Variants in IL1RAPL2 observed in about 807,000 individuals in gnomAD.
IL1RAPL2 encodes X-linked interleukin-1 receptor accessory protein-like 2.
IL1RAPL2 carries 3 observed loss-of-function variants against 44.1 expected under a neutral mutation model. The ratio of observed to expected loss-of-function variants is 0.07; its 90% CI spans 0.03 to 0.18. The LOEUF (loss-of-function observed/expected upper bound fraction) is 0.18. Ranked by LOEUF, IL1RAPL2 falls within the 10% of genes least tolerant of loss-of-function variation. The pLI, the probability that IL1RAPL2 is intolerant of heterozygous loss-of-function variation, is 1.00. For missense variants in IL1RAPL2, 391 were observed against 496.4 expected (o/e 0.79, Z 2.02); for synonymous variants, 181 against 178.8 (o/e 1.01, Z -0.10).
intron 6 of IL1RAPL2, among the ~76,000 whole-genome samples, chrX:105,510,778 G>A (rs1042953319): frequency 1.8e-5 from 2 of 111,547 alleles, no homozygotes; most frequent in Non-Finnish European, 3.8e-5. Flanking sequence ...GCTACCGGAA[G>A]CTGGATAAAA....
chrX:104,632,599 A>G (rs1929677059), intron 1 of IL1RAPL2, among the ~76,000 whole-genome samples: 2 of 107,112 alleles, frequency 1.9e-5, no homozygotes, highest in African/African-American at 3.4e-5. Flanking sequence ...ATTCTCTTTG[A>G]AGCAATTGTG....
intron 9 of IL1RAPL2, chrX:105,752,935 C>T (rs769328481): frequency 3.0e-6 from 1 of 330,385 alleles, no homozygotes; most frequent in South Asian, 2.6e-5. Context: ...ACGAATGAAA[C>T]CAGAAGCATT....
intron 2 of IL1RAPL2, among the ~76,000 whole-genome samples, chrX:104,833,495 A>G (rs981910562): frequency 1.4e-4 from 16 of 111,601 alleles, no homozygotes; most frequent in Non-Finnish European, 2.1e-4. Context: ...TCATTTGGTT[A>G]TTTTTTTTAA....
chrX:105,694,950 GACTA>G (rs2038065019), intron 6 of IL1RAPL2, among the ~76,000 whole-genome samples: 1 of 111,258 alleles, frequency 9.0e-6, no homozygotes, highest in Non-Finnish European at 1.9e-5. Context: ...CTGGAAATGA[GACTA>G]GTTCCTCTTT....
intron 2 of IL1RAPL2, among the ~76,000 whole-genome samples, chrX:105,093,337 G>T (rs1435879780): frequency 9.0e-6 from 1 of 111,599 alleles, no homozygotes; most frequent in African/African-American, 3.3e-5. Context: ...CTTAAACATA[G>T]AATAACTATG....
chrX:104,657,392 A>T (rs1930289765), intron 1 of IL1RAPL2, among the ~76,000 whole-genome samples: 1 of 111,655 alleles, frequency 9.0e-6, no homozygotes, highest in Non-Finnish European at 1.9e-5. Context: ...CTATTTAATA[A>T]ATAGTGCTGG....
At chrX:105,509,006 G>A (rs1162513242) in intron 6 of IL1RAPL2, among the ~76,000 whole-genome samples, 1 of 111,489 alleles carries the variant, frequency 9.0e-6, no homozygotes, top group Non-Finnish European at 1.9e-5. Flanking sequence ...ATAAAATAGG[G>A]ATTCATTCAT....
At chrX:104,915,526 C>T (rs1924393509) in intron 2 of IL1RAPL2, among the ~76,000 whole-genome samples, 2 of 110,861 alleles carry the variant, frequency 1.8e-5, no homozygotes, top group African/African-American at 6.6e-5. Context: ...GTTGCCTGTT[C>T]ACTCTGATGG....
chrX:104,633,630 G>A (rs1378222933), intron 1 of IL1RAPL2, among the ~76,000 whole-genome samples: 1 of 112,095 alleles, frequency 8.9e-6, no homozygotes, highest in Non-Finnish European at 1.9e-5. Flanking sequence ...TATTTGCATA[G>A]AGGTGTTTAT....
At chrX:105,081,227 T>C (rs746466922) in intron 2 of IL1RAPL2, among the ~76,000 whole-genome samples, 22 of 111,234 alleles carry the variant, frequency 2.0e-4, no homozygotes, top group African/African-American at 6.5e-4. Flanking sequence ...CTTACCTGAT[T>C]GACCTGGCCA....
At chrX:104,906,680 T>G (rs1258629342) in intron 2 of IL1RAPL2, among the ~76,000 whole-genome samples, 1 of 111,781 alleles carries the variant, frequency 8.9e-6, no homozygotes, top group Non-Finnish European at 1.9e-5. Flanking sequence ...TGGATAAGCT[T>G]TTTGATGTGC....
At chrX:105,036,499 A>G (rs2031631383) in intron 2 of IL1RAPL2, among the ~76,000 whole-genome samples, 1 of 112,017 alleles carries the variant, frequency 8.9e-6, no homozygotes, top group Non-Finnish European at 1.9e-5. Flanking sequence ...CATATACCAC[A>G]TTTGGAAAAA....
At chrX:104,829,077 G>T (rs1401219900) in intron 2 of IL1RAPL2, among the ~76,000 whole-genome samples, 1 of 112,009 alleles carries the variant, frequency 8.9e-6, no homozygotes, top group Non-Finnish European at 1.9e-5. Flanking sequence ...TGTGGGGTTG[G>T]GATCTGCTGA....
intron 2 of IL1RAPL2, among the ~76,000 whole-genome samples, chrX:105,187,497 A>G (rs1426644123): frequency 2.7e-5 from 3 of 111,944 alleles, no homozygotes; most frequent in Non-Finnish European, 5.6e-5. Flanking sequence ...CTTGCACACT[A>G]TTGGTGGGAA....
chrX:105,212,691 T>C (rs905152307), intron 3 of IL1RAPL2, among the ~76,000 whole-genome samples: 16 of 111,840 alleles, frequency 1.4e-4, no homozygotes, highest in African/African-American at 5.2e-4. Flanking sequence ...GGGAGAAACC[T>C]CCTAACAAGG....
chrX:104,950,950 G>C (rs916206857), intron 2 of IL1RAPL2, among the ~76,000 whole-genome samples: 1 of 111,454 alleles, frequency 9.0e-6, no homozygotes, highest in Admixed American at 9.5e-5. Context: ...TCCAGGTGCC[G>C]TCTGTCACCC....
intron 2 of IL1RAPL2, among the ~76,000 whole-genome samples, chrX:105,131,357 A>G (rs997318054): frequency 9.1e-6 from 1 of 110,420 alleles, no homozygotes; most frequent in Non-Finnish European, 1.9e-5. Flanking sequence ...GGTCTTTGTC[A>G]CAAGTGCTCA....
chrX:105,214,298 A>G (rs932734973), intron 3 of IL1RAPL2, among the ~76,000 whole-genome samples: 11 of 105,556 alleles, frequency 1.0e-4, no homozygotes, highest in African/African-American at 2.1e-4. Context: ...AATGGAAAGC[A>G]AAAAGAAGCA....
intron 2 of IL1RAPL2, among the ~76,000 whole-genome samples, chrX:104,746,880 G>A (rs1197089205): frequency 9.0e-6 from 1 of 111,128 alleles, no homozygotes; most frequent in Non-Finnish European, 1.9e-5. Flanking sequence ...ATAGCCCCAG[G>A]ATTAAGTTAT....
Sources: gnomAD v4.1 joint callset for allele counts (sites outside exome capture counted in the v4.1 genomes callset) on GRCh38, gnomAD v4.1.1 for gene constraint, MANE v1.5 for transcripts, NCBI Gene and HGNC (gene_info 2026-07-23, HGNC 2026-07-21) for gene names.